Variants in NOX1 observed in about 807,000 individuals in gnomAD.
NOX1 encodes NADPH oxidase 1.
NOX1 carries 34 observed loss-of-function variants against 42.5 expected under a neutral mutation model. The observed-to-expected ratio is 0.80, with a 90% CI of 0.61 to 1.07. The LOEUF (loss-of-function observed/expected upper bound fraction) is 1.07. Among genes scored for constraint, NOX1 ranks in the 50% least tolerant of loss-of-function variants. The probability of loss-of-function intolerance (pLI) is 0.00; values close to 1 mark genes in which losing one functional copy is unlikely to be tolerated. For synonymous variants in NOX1, 143 were observed against 152.5 expected (o/e 0.94, Z 0.46); for missense variants, 408 against 427.0 (o/e 0.96, Z 0.39).
intron 7 of NOX1, chrX:100,856,393 A>C: frequency 2.0e-6 from 1 of 505,585 alleles, no homozygotes; most frequent in Non-Finnish European, 3.5e-6. Flanking sequence ...TGGAAGGGAG[A>C]AGAGAGACTT....
At chrX:100,848,901 C>A (rs1427715810) in intron 11 of NOX1, 147 bp from the exon 12 acceptor site, 5 of 482,647 alleles carry the variant, frequency 1.0e-5, no homozygotes, top group Non-Finnish European at 9.8e-6. Context: ...CATGGTGAGA[C>A]CCCCATCTCT....
At position 100,849,728 on chromosome X, in the gene NOX1, T is replaced by G. The variant is rs35334754; in HGVS notation, c.1296+44A>C. The G allele has an allele frequency of 8.5e-5, 98 of 1,148,080 alleles. No homozygotes were observed. The African/African-American group carries it at 1.5e-3, about 18-fold the overall frequency. 94.6% of individuals were successfully genotyped at this position (1,148,080 alleles called of 1,213,427 possible). A position where few individuals can be genotyped will look rare whatever the true frequency, so the allele number is the denominator to read the frequency against. ...AGCTTAGCCCAAGAAGGCAATAGACTTGTCAGACTCAGGCCAGAAGAAAAG... is the reference window on the plus strand; with the variant it reads ...AGCTTAGCCCAAGAAGGCAATAGACGTGTCAGACTCAGGCCAGAAGAAAAG... On this transcript the variant is annotated intron_variant, in intron 10 of 12. Transcript: ENST00000372966.
chrX:100,850,051 C>T (rs1455462485), intron 9 of NOX1, 100 bp downstream of exon 9: 2 of 978,690 alleles, frequency 2.0e-6, no homozygotes, highest in South Asian at 4.7e-5. Flanking sequence ...TATTATAATC[C>T]TATTCTATTG....
intron 7 of NOX1, among the ~76,000 whole-genome samples, chrX:100,853,985 A>G (rs1268312143): frequency 2.7e-5 from 3 of 111,925 alleles, no homozygotes; most frequent in African/African-American, 6.5e-5. Flanking sequence ...TCTACTAAAT[A>G]TACAAAAATT....
intron 12 of NOX1, among the ~76,000 whole-genome samples, chrX:100,845,148 A>G (rs1316226123): frequency 9.0e-6 from 1 of 111,715 alleles, no homozygotes; most frequent in African/African-American, 3.3e-5. Context: ...AACCATCACC[A>G]CTATCTAATT....
chrX:100,848,526 A>G, intron 12 of NOX1, 104 bp downstream of exon 12: 1 of 744,112 alleles, frequency 1.3e-6, no homozygotes, highest in Non-Finnish European at 1.9e-6. Context: ...TCCTGACCTC[A>G]GGTGATCCAC....
chrX:100,844,930 A>G (rs2147899710), intron 12 of NOX1, among the ~76,000 whole-genome samples: 1 of 111,896 alleles, frequency 8.9e-6, no homozygotes, highest in South Asian at 3.8e-4. Flanking sequence ...CCCTACCTCA[A>G]AATTTCTCCT....
At chrX:100,865,142 G>T (rs2085229522) in intron 2 of NOX1, among the ~76,000 whole-genome samples, 1 of 111,968 alleles carries the variant, frequency 8.9e-6, no homozygotes, top group Admixed American at 9.5e-5. Context: ...CATGACCTGT[G>T]TTTTCTCCCT....
chrX:100,843,820 AAG>A lies in NOX1; in HGVS notation c.*130_*131del. The A allele has an allele frequency of 6.0e-6, 3 of 503,408 alleles. No homozygotes were observed. The South Asian group carries it at 1.5e-4, about 25-fold the overall frequency. The allele number at this position is 503,408 out of a possible 1,213,427, so 41.5% of individuals were successfully genotyped here. A position where few individuals can be genotyped will look rare whatever the true frequency, so the allele number is the denominator to read the frequency against. On this transcript the variant is annotated 3_prime_UTR_variant, in exon 13 of 13. Transcript: ENST00000372966. ...TAACGAAGTTGAATGCAATCAAAAA[AAG>A]AATACCAGGGAGTCAAGGCTTGAGA...
intron 12 of NOX1, among the ~76,000 whole-genome samples, chrX:100,844,301 A>G (rs2085057240): frequency 8.9e-6 from 1 of 112,469 alleles, no homozygotes; most frequent in Non-Finnish European, 1.9e-5. Context: ...TTGAGAACAC[A>G]GATGACAGAC....
chrX:100,869,978 A>G (rs2085263396), intron 2 of NOX1, among the ~76,000 whole-genome samples: 1 of 92,702 alleles, frequency 1.1e-5, no homozygotes, highest in Non-Finnish European at 2.1e-5. Flanking sequence ...TGATTTGTGT[A>G]TATTGAACCA....
At position 100,843,651 on chromosome X, in the gene NOX1, C is replaced by T; in HGVS notation, c.*301G>A. On this transcript the variant is annotated 3_prime_UTR_variant, in exon 13 of 13. Coordinates refer to ENST00000372966, the MANE Select transcript of NOX1 (RefSeq NM_007052.5). The stretch of plus-strand genomic sequence containing the variant: ...CTGGGATTAGTTGTATAACTCTGAA[C>T]CACCAAACCTCTGCTATCAAGCCTT... The T allele has an allele frequency of 9.4e-6, 4 of 427,719 alleles. No individual in the cohort carries two copies. Among genetic ancestry groups the T allele is most frequent in the Non-Finnish European group, 1.5e-5 (4 of 264,730 alleles). The allele number at this position is 427,719 out of a possible 1,213,427, so 35.2% of individuals were successfully genotyped here. A position where few individuals can be genotyped will look rare whatever the true frequency, so the allele number is the denominator to read the frequency against.
rs768290899 is a variant in NOX1 at position 100,850,341 on chromosome X, G to T, written c.943C>A (p.Arg315Ser). ...TGCCCCACTTCCATGCTGAAGCCAC[G>T]CTTGTTCATCTGCAATTCCAAAACT... Reference protein sequence around the residue: ...SKVLELQMNKRGFSMEVGQYI... With the variant: ...SKVLELQMNKSGFSMEVGQYI... The change falls in exon 9 of 13, where the codon CGT becomes AGT. Residue 315 changes from arginine (R) to serine (S), a missense_variant. Coordinates refer to ENST00000372966, the MANE Select transcript of NOX1 (RefSeq NM_007052.5). The T allele has an allele frequency of 8.3e-7, 1 of 1,203,441 alleles. No homozygotes were observed. Among genetic ancestry groups the T allele is most frequent in the Admixed American group, 2.2e-5 (1 of 45,072 alleles).
intron 7 of NOX1, among the ~76,000 whole-genome samples, chrX:100,857,024 C>T (rs1380400684): frequency 3.6e-5 from 4 of 111,687 alleles, no homozygotes; most frequent in African/African-American, 1.3e-4. Flanking sequence ...TTGATCCTCT[C>T]TCTCCACCCT....
intron 7 of NOX1, among the ~76,000 whole-genome samples, chrX:100,858,444 G>GT (rs947596587): frequency 3.0e-4 from 33 of 110,362 alleles, no homozygotes; most frequent in African/African-American, 8.9e-4. Flanking sequence ...TTTTGAAATA[G>GT]TTTTTTTTTC....
chrX:100,867,340 G>T (rs2085245536), intron 2 of NOX1, among the ~76,000 whole-genome samples: 1 of 112,506 alleles, frequency 8.9e-6, no homozygotes, highest in African/African-American at 3.2e-5. Context: ...TTTAAATTAT[G>T]GATTTAAACT....
At chrX:100,845,232 C>T (rs1022305004) in intron 12 of NOX1, among the ~76,000 whole-genome samples, 1 of 111,051 alleles carries the variant, frequency 9.0e-6, no homozygotes. Context: ...ACTACCCTGT[C>T]CTACCCAAGA....
rs1178499081 is a variant in NOX1, at chrX:100,850,238, T to A, written c.1046A>T (p.Asp349Val). The change falls in exon 9 of 13, where the codon GAT becomes GTT. Residue 349 changes from aspartate to valine, a missense_variant. Physicochemically the swap from Asp to Val is radical, Grantham distance 152. Coordinates refer to ENST00000372966, the MANE Select transcript of NOX1 (RefSeq NM_007052.5). ...TGCTCGGATATGAATGGAGAAGAAA[T>A]CTTCCTCTGGAGCAGAGGTCAAAGT... is the stretch of plus-strand genomic sequence containing the variant. Reference protein sequence around the residue: ...PFTLTSAPEEDFFSIHIRAAG... With the variant: ...PFTLTSAPEEVFFSIHIRAAG... 11 of 1,211,118 alleles carry A rather than the reference T, an allele frequency of 9.1e-6. No homozygotes were observed. Among genetic ancestry groups the A allele is most frequent in the Non-Finnish European group, 1.1e-5 (10 of 895,060 alleles).
chrX:100,854,283 G>T (rs1224851882), intron 7 of NOX1, among the ~76,000 whole-genome samples: 8 of 111,901 alleles, frequency 7.1e-5, no homozygotes, highest in African/African-American at 2.6e-4. Context: ...TACAATAAAT[G>T]TATATTATTT....
Sources: gnomAD v4.1 joint callset for allele counts (sites outside exome capture counted in the v4.1 genomes callset) on GRCh38, gnomAD v4.1.1 for gene constraint, MANE v1.5 for transcripts, NCBI Gene and HGNC (gene_info 2026-07-23, HGNC 2026-07-21) for gene names.